Variants in WWOX observed in about 807,000 individuals in gnomAD.
WWOX encodes WW domain-containing oxidoreductase.
WWOX carries 69 observed loss-of-function variants against 46.2 expected under a neutral mutation model. The observed-to-expected ratio is 1.49, with a 90% CI of 1.23 to 1.82. WWOX has a LOEUF of 1.82. WWOX is among the 40% of genes most tolerant of loss of function. The pLI is 0.00. For synonymous variants in WWOX, 359 were observed against 202.6 expected (o/e 1.77, Z -6.56); for missense variants, 919 against 542.6 (o/e 1.69, Z -6.89).
chr16:78,811,211 T>C (rs1466646386), intron 8 of WWOX, among the ~76,000 whole-genome samples: 1 of 152,214 alleles, frequency 6.6e-6, no homozygotes, highest in Admixed American at 6.5e-5. Context: ...ATCTACCTTA[T>C]GTTGTATACA....
At chr16:78,327,625 A>T (rs1027003707) in intron 5 of WWOX, among the ~76,000 whole-genome samples, 2 of 152,176 alleles carry the variant, frequency 1.3e-5, no homozygotes, top group South Asian at 2.1e-4. Flanking sequence ...TGACACAGAG[A>T]TTCCACAATC....
At chr16:78,294,880 G>C (rs2079918902) in intron 5 of WWOX, among the ~76,000 whole-genome samples, 1 of 147,052 alleles carries the variant, frequency 6.8e-6, no homozygotes, top group Admixed American at 6.8e-5. Context: ...TGAATGAATG[G>C]ACAAATGAAT....
intron 4 of WWOX, among the ~76,000 whole-genome samples, chr16:78,121,348 A>G (rs1053801804): frequency 2.6e-5 from 4 of 152,258 alleles, no homozygotes; most frequent in African/African-American, 9.6e-5. Flanking sequence ...CTAAGAAACT[A>G]TGGAGATTCT....
At chr16:78,967,488 G>T in intron 8 of WWOX, among the ~76,000 whole-genome samples, 1 of 125,602 alleles carries the variant, frequency 8.0e-6, no homozygotes, top group Admixed American at 9.6e-5. Flanking sequence ...TTTTCCTGCT[G>T]AGATGGGGAT....
At chr16:78,320,287 C>T (rs758306363) in intron 5 of WWOX, among the ~76,000 whole-genome samples, 1 of 152,282 alleles carries the variant, frequency 6.6e-6, no homozygotes, top group Non-Finnish European at 1.5e-5. Flanking sequence ...ATTTTACCTG[C>T]ATTTACTCAA....
At chr16:78,796,703 G>A (rs1457386307) in intron 8 of WWOX, among the ~76,000 whole-genome samples, 1 of 152,200 alleles carries the variant, frequency 6.6e-6, no homozygotes, top group Admixed American at 6.5e-5. Flanking sequence ...GTATTAGAAA[G>A]GGCCCTGCCT....
At chr16:78,696,916 T>G (rs548006334) in intron 8 of WWOX, among the ~76,000 whole-genome samples, 82 of 152,312 alleles carry the variant, frequency 5.4e-4, no homozygotes, top group Admixed American at 1.6e-3. Flanking sequence ...CACACAGTGC[T>G]TGGTTTTCCA....
intron 8 of WWOX, among the ~76,000 whole-genome samples, chr16:79,047,731 T>C (rs1448814629): frequency 1.5e-5 from 2 of 137,892 alleles, no homozygotes; most frequent in Non-Finnish European, 3.0e-5. Context: ...GTGATGCAGA[T>C]GGAAGGTAAC....
intron 8 of WWOX, among the ~76,000 whole-genome samples, chr16:78,602,580 T>C (rs2045647235): frequency 6.6e-6 from 1 of 152,180 alleles, no homozygotes; most frequent in African/African-American, 2.4e-5. Context: ...GTTGTGCTGG[T>C]AGCATCATCC....
intron 8 of WWOX, among the ~76,000 whole-genome samples, chr16:79,062,184 C>T (rs73570880): frequency 0.029 from 4,403 of 152,216 alleles, 212 homozygotes; most frequent in African/African-American, 0.095. Context: ...GTTGGGGAGA[C>T]TGGGGAGAGG....
chr16:78,704,089 ATGT>A (rs1247979490), intron 8 of WWOX, among the ~76,000 whole-genome samples: 1 of 151,094 alleles, frequency 6.6e-6, no homozygotes, highest in Non-Finnish European at 1.5e-5. Context: ...AATTCACTAG[ATGT>A]TGTTCCACCC....
intron 6 of WWOX, among the ~76,000 whole-genome samples, chr16:78,393,983 T>A (rs971307583): frequency 6.6e-6 from 1 of 152,198 alleles, no homozygotes; most frequent in African/African-American, 2.4e-5. Flanking sequence ...AATCTACTAA[T>A]CCCAGATATA....
At chr16:78,744,571 A>G (rs2049304713) in intron 8 of WWOX, among the ~76,000 whole-genome samples, 1 of 151,598 alleles carries the variant, frequency 6.6e-6, no homozygotes, top group African/African-American at 2.4e-5. Flanking sequence ...AGCTGGGATT[A>G]CAGGCACCTG....
intron 8 of WWOX, among the ~76,000 whole-genome samples, chr16:78,967,481 T>TG (rs1491178865): frequency 7.9e-6 from 1 of 127,090 alleles, no homozygotes; most frequent in African/African-American, 2.8e-5. Flanking sequence ...TTTTTTTTTT[T>TG]CCTGCTGAGA....
chr16:78,795,736 C>A (rs1022135775), intron 8 of WWOX, among the ~76,000 whole-genome samples: 1 of 152,078 alleles, frequency 6.6e-6, no homozygotes, highest in African/African-American at 2.4e-5. Flanking sequence ...TATTTCTCAA[C>A]CTCAGGTTTT....
intron 8 of WWOX, among the ~76,000 whole-genome samples, chr16:78,709,541 A>G (rs1400929477): frequency 6.6e-6 from 1 of 152,120 alleles, no homozygotes; most frequent in Non-Finnish European, 1.5e-5. Flanking sequence ...TCTCTTCATT[A>G]GAACATCTTC....
At chr16:79,000,139 G>C (rs2047065363) in intron 8 of WWOX, among the ~76,000 whole-genome samples, 1 of 152,150 alleles carries the variant, frequency 6.6e-6, no homozygotes, top group African/African-American at 2.4e-5. Context: ...CCTTTGTCCA[G>C]ACACATTTAA....
intron 4 of WWOX, among the ~76,000 whole-genome samples, chr16:78,155,914 C>G (rs539344516): frequency 6.6e-6 from 1 of 152,330 alleles, no homozygotes; most frequent in African/African-American, 2.4e-5. Flanking sequence ...TAAAACTCCA[C>G]ACTCTAGAGA....
intron 8 of WWOX, among the ~76,000 whole-genome samples, chr16:79,189,576 C>A (rs1253872523): frequency 1.3e-5 from 2 of 151,870 alleles, no homozygotes; most frequent in African/African-American, 2.4e-5. Context: ...GCTAGGATTA[C>A]CTGCATGAGC....
Sources: allele counts gnomAD v4.1 joint callset (sites outside exome capture counted in the v4.1 genomes callset), GRCh38; gene constraint gnomAD v4.1.1; transcripts MANE v1.5; gene names NCBI Gene and HGNC (gene_info 2026-07-23, HGNC 2026-07-21).